RAB30: variants seen among roughly 807,000 people sequenced by gnomAD.
The protein encoded by RAB30 is ras-related protein Rab-30.
In RAB30, 9 loss-of-function variants were observed where a neutral mutation model predicts 25.1. The observed-to-expected ratio is 0.36, with a 90% CI of 0.22 to 0.63. The LOEUF is 0.63. Ranked by LOEUF, RAB30 falls within the 20% of genes least tolerant of loss-of-function variation. The pLI is 0.69. For missense variants in RAB30, 140 were observed against 243.5 expected (o/e 0.58, Z 2.83); for synonymous variants, 77 against 86.4 (o/e 0.89, Z 0.60).
chr11:83,067,773 C>T (rs905459087), intron 1 of RAB30, among the ~76,000 whole-genome samples: 1 of 152,068 alleles, frequency 6.6e-6, no homozygotes, highest in African/African-American at 2.4e-5. Flanking sequence ...AGGTGGATCA[C>T]CTGAGGTCAG....
At chr11:83,040,621 C>T (rs1480874242) in intron 1 of RAB30, among the ~76,000 whole-genome samples, 3 of 151,696 alleles carry the variant, frequency 2.0e-5, no homozygotes, top group Non-Finnish European at 4.4e-5. Flanking sequence ...TTGAATAACA[C>T]TATTTTGAAC....
chr11:83,060,428 T>C (rs1052225550), intron 1 of RAB30, among the ~76,000 whole-genome samples: 1 of 152,148 alleles, frequency 6.6e-6, no homozygotes, highest in African/African-American at 2.4e-5. Context: ...TTTTATTAAT[T>C]ACAAAGGGAA....
At position 82,997,269 on chromosome 11, in the gene RAB30, G is replaced by A; in HGVS notation, c.48C>T (p.Gly16=). The change falls in exon 2 of 5, where the codon GGC becomes GGT. Residue 16 remains glycine (G), a synonymous_variant. Coordinates refer to ENST00000527633, the MANE Select transcript of RAB30 (RefSeq NM_001286060.2). ...YDFLFKIVLI[G]NAGVGKTCLV... ...GGCACGTCTTCCCCACACCAGCGTT[G>A]CCAATTAAAACAATTTTGAACAGGA... 6.2e-7 allele frequency: 1 copy of A among 1,613,064 alleles called. No homozygotes were observed. The highest frequency in any genetic ancestry group is 8.5e-7 in the Non-Finnish European group (1 of 1,179,060).
intron 1 of RAB30, among the ~76,000 whole-genome samples, chr11:83,069,796 A>G (rs1452609874): frequency 1.3e-5 from 2 of 152,248 alleles, no homozygotes; most frequent in Non-Finnish European, 1.5e-5. Context: ...CATTGTTCAC[A>G]TGCTGCTGGG....
chr11:83,069,249 T>G (rs1222057890), intron 1 of RAB30, among the ~76,000 whole-genome samples: 1 of 152,168 alleles, frequency 6.6e-6, no homozygotes, highest in Non-Finnish European at 1.5e-5. Context: ...AGGAAGTATT[T>G]CAGAAGAAGA....
chr11:82,993,701 G>A (rs760070834), intron 3 of RAB30, among the ~76,000 whole-genome samples: 4 of 152,176 alleles, frequency 2.6e-5, no homozygotes, highest in African/African-American at 4.8e-5. Context: ...CTTTCATGGG[G>A]CTGCTGTTTA....
intron 1 of RAB30, among the ~76,000 whole-genome samples, chr11:83,046,182 T>C (rs1188976199): frequency 6.6e-6 from 1 of 152,250 alleles, no homozygotes; most frequent in Non-Finnish European, 1.5e-5. Context: ...TACCAAATTG[T>C]GCATCCTTAA....
At chr11:83,068,148 G>A (rs533147124) in intron 1 of RAB30, among the ~76,000 whole-genome samples, 5 of 149,296 alleles carry the variant, frequency 3.3e-5, no homozygotes, top group East Asian at 2.0e-4. Flanking sequence ...AAATACAAAC[G>A]TTAGCTGAGC....
chr11:83,004,605 G>T (rs981710143), intron 1 of RAB30, among the ~76,000 whole-genome samples: 1 of 152,212 alleles, frequency 6.6e-6, no homozygotes, highest in African/African-American at 2.4e-5. Context: ...ATCTGGGTCA[G>T]ACTCTGGAGG....
At chr11:83,053,297 TACAGGATTGTGGGGAGG>T (rs1241142708) in intron 1 of RAB30, among the ~76,000 whole-genome samples, 1 of 152,134 alleles carries the variant, frequency 6.6e-6, no homozygotes, top group Admixed American at 6.5e-5. Flanking sequence ...ACACCTACAT[TACAGGATTGTGGGGAGG>T]ATCAAATAAA....
At chr11:83,068,304 A>C (rs551701123) in intron 1 of RAB30, among the ~76,000 whole-genome samples, 3 of 151,930 alleles carry the variant, frequency 2.0e-5, no homozygotes, top group African/African-American at 7.2e-5. Context: ...GTCTCAAAAA[A>C]AAAAAACAAA....
intron 4 of RAB30, 99 bp from the exon 5 acceptor site, chr11:82,982,514 G>A: frequency 1.6e-6 from 2 of 1,272,622 alleles, no homozygotes; most frequent in Non-Finnish European, 2.2e-6. Context: ...AAGCCAGACA[G>A]ATGGGCGAGT....
chr11:82,984,300 T>C (rs1051934725), intron 4 of RAB30, among the ~76,000 whole-genome samples: 4 of 152,330 alleles, frequency 2.6e-5, no homozygotes, highest in South Asian at 4.1e-4. Context: ...GTTATGATTG[T>C]GGAGTTGTTA....
chr11:82,987,945 TA>T (rs66865945), intron 3 of RAB30, among the ~76,000 whole-genome samples, 175 bp from the exon 4 acceptor site: 62,464 of 116,506 alleles, frequency 0.54, 16,812 homozygotes, highest in African/African-American at 0.69. Flanking sequence ...CACTGAAAAT[TA>T]AAAAAAAAAA....
intron 4 of RAB30, among the ~76,000 whole-genome samples, chr11:82,986,546 C>G (rs1353741755): frequency 7.9e-5 from 12 of 152,204 alleles, no homozygotes; most frequent in Non-Finnish European, 1.5e-4. Context: ...TCAACATTGT[C>G]CAAAAGGGTT....
intron 1 of RAB30, among the ~76,000 whole-genome samples, chr11:83,047,787 TGC>T (rs1565288731): frequency 6.6e-6 from 1 of 152,210 alleles, no homozygotes; most frequent in Non-Finnish European, 1.5e-5. Flanking sequence ...TCTTTTTGAT[TGC>T]TAACAATGAG....
intron 1 of RAB30, among the ~76,000 whole-genome samples, chr11:83,031,130 C>G (rs1196045683): frequency 6.6e-6 from 1 of 152,226 alleles, no homozygotes; most frequent in Non-Finnish European, 1.5e-5. Flanking sequence ...ATCCTGCCAG[C>G]ACCTTGATCT....
chr11:83,047,607 G>C (rs1858260851), intron 1 of RAB30, among the ~76,000 whole-genome samples: 1 of 152,114 alleles, frequency 6.6e-6, no homozygotes, highest in South Asian at 2.1e-4. Context: ...GATAGAGCAA[G>C]GTAAAAGAAA....
intron 1 of RAB30, among the ~76,000 whole-genome samples, chr11:83,050,441 C>T (rs1217397550): frequency 6.6e-6 from 1 of 152,068 alleles, no homozygotes; most frequent in African/African-American, 2.4e-5. Context: ...ACAACAGGTA[C>T]TTCATAACAA....
Sources: allele counts gnomAD v4.1 joint callset (sites outside exome capture counted in the v4.1 genomes callset), GRCh38; gene constraint gnomAD v4.1.1; transcripts MANE v1.5; gene names NCBI Gene and HGNC (gene_info 2026-07-23, HGNC 2026-07-21).